SEC24D: variants seen among roughly 807,000 people sequenced by gnomAD.
SEC24D encodes the protein protein transport protein Sec24D.
Under a neutral mutation model 116.9 loss-of-function variants are expected in SEC24D, and 69 were observed. The observed-to-expected ratio is 0.59, with a 90% confidence interval of 0.49 to 0.72. The LOEUF is 0.72. Ranked by LOEUF, SEC24D falls within the 30% of genes least tolerant of loss-of-function variation. The probability of loss-of-function intolerance (pLI) is 0.00; values close to 1 mark genes in which losing one functional copy is unlikely to be tolerated. For synonymous variants in SEC24D, 405 were observed against 442.8 expected, an observed-to-expected ratio of 0.91 and a Z score of 1.07; for missense variants, 1,131 against 1,264.1, an observed-to-expected ratio of 0.89 and a Z score of 1.60.
At chr4:118,823,419 T>C (rs1354878981) in intron 3 of SEC24D, among the ~76,000 whole-genome samples, 2 of 152,186 alleles carry the variant, frequency 1.3e-5, no homozygotes, top group Non-Finnish European at 2.9e-5. Context: ...ATAGGCTTCA[T>C]GAAAGGCCAT....
intron 19 of SEC24D, 109 bp from the exon 20 acceptor site, chr4:118,733,021 T>C: frequency 1.0e-6 from 1 of 984,318 alleles, no homozygotes; most frequent in Non-Finnish European, 1.5e-6. Context: ...TGTAAGGATG[T>C]AAGGATTAAC....
rs532945831 is a variant in SEC24D, at chr4:118,794,948, CT to C, written c.1041+2734del. 8.0e-5 allele frequency among the ~76,000 whole-genome samples: 12 copies of C among 149,406 alleles called. No individual in the cohort carries two copies. The East Asian group carries it at 1.4e-3, about 17-fold the overall frequency. On this transcript the variant is annotated intron_variant, in intron 8 of 22. Coordinates refer to ENST00000280551, the MANE Select transcript of SEC24D (RefSeq NM_014822.4). ...CCATTCTATCATTTACATTTACATA[CT>C]TTTTTTTTGAAGGATAGATAGTTAT...
intron 3 of SEC24D, among the ~76,000 whole-genome samples, chr4:118,818,249 C>T (rs1227348030): frequency 1.3e-5 from 2 of 152,050 alleles, no homozygotes; most frequent in Non-Finnish European, 2.9e-5. Flanking sequence ...ATTAAGTTTT[C>T]CCAAATGGTA....
chr4:118,761,509 C>T (rs1727376764), intron 10 of SEC24D, among the ~76,000 whole-genome samples: 1 of 152,220 alleles, frequency 6.6e-6, no homozygotes, highest in Non-Finnish European at 1.5e-5. Flanking sequence ...TCCCATTATT[C>T]CCAATACACA....
chr4:118,723,573 G>A lies in SEC24D; in HGVS notation c.3041C>T (p.Ser1014Phe), dbSNP rs763992910. 6 of 1,613,704 alleles carry A rather than the reference G, an allele frequency of 3.7e-6. No individual in the cohort carries two copies. The highest frequency in any genetic ancestry group is 4.2e-6 in the Non-Finnish European group (5 of 1,179,864). The change falls in exon 23 of 23, where the codon TCT (serine) becomes TTT (phenylalanine). Residue 1014 changes from serine (S) to phenylalanine (F), a missense_variant. Transcript: ENST00000280551. ...ACAACAAAGGAAATCCACATAAGAA[G>A]AGCCTCCGTAAAGTCCTTTGTCTTC... ...LVEDKGLYGG[S>F]SYVDFLCCVH... is the part of the protein sequence containing the mutation.
Position 118,723,504 on chromosome 4 carries a change from A to G in SEC24D, c.*11T>C. On this transcript the variant is annotated 3_prime_UTR_variant, in exon 23 of 23. Transcript: ENST00000280551. ...CTTGGAAATGCAACATCAATGACAGAGAAGTTTCAATTAATTAAGCAGCTG... is the reference window on the plus strand; with the variant it reads ...CTTGGAAATGCAACATCAATGACAGGGAAGTTTCAATTAATTAAGCAGCTG... 3 of 1,605,960 alleles carry G rather than the reference A, an allele frequency of 1.9e-6. No individual in the cohort carries two copies. The highest frequency in any genetic ancestry group is 2.5e-6 in the Non-Finnish European group (3 of 1,177,322).
In SEC24D at chr4:118,731,364, G is replaced by A; in HGVS notation, c.2820C>T (p.Ile940=). Residue 940 remains isoleucine, a synonymous_variant, in exon 21 of 23, where the codon ATC becomes ATT. Transcript: ENST00000280551. ...AAGATGGCACATTAAATATTCCTTG[G>A]ATCAGTTCTGGTGGGCTGCTTACTC... ...WLGVSSPPEL[I]QGIFNVPSFA... 1 of 1,613,964 alleles carries A rather than the reference G, an allele frequency of 6.2e-7. No individual in the cohort carries two copies. The highest frequency in any genetic ancestry group is 8.5e-7 in the Non-Finnish European group (1 of 1,179,904).
At chr4:118,814,089 C>T (rs935908669) in intron 6 of SEC24D, among the ~76,000 whole-genome samples, 3 of 152,200 alleles carry the variant, frequency 2.0e-5, no homozygotes, top group African/African-American at 7.2e-5. Flanking sequence ...TTATGTTTAT[C>T]GAACCTATTC....
chr4:118,765,864 G>A (rs1312561953), intron 9 of SEC24D, among the ~76,000 whole-genome samples: 1 of 150,810 alleles, frequency 6.6e-6, no homozygotes, highest in African/African-American at 2.4e-5. Context: ...ATTGTTCTAC[G>A]TTGTTACTGT....
In SEC24D at chr4:118,820,056, AATT is replaced by A. The variant is rs1220968499; in HGVS notation, c.249-2647_249-2645del. On this transcript the variant is annotated intron_variant, in intron 3 of 22. Coordinates refer to ENST00000280551, the MANE Select transcript of SEC24D (RefSeq NM_014822.4). The stretch of plus-strand genomic sequence containing the variant: ...TTAAATAGATTTGGTTTTTAAAAGC[AATT>A]ATTATCAATTTTAAAATAAATAGAA... Among the ~76,000 whole-genome samples, 7 of 152,234 alleles carry A rather than the reference AATT, an allele frequency of 4.6e-5. No individual in the cohort carries two copies. The East Asian group carries it at 1.3e-3, about 29-fold the overall frequency.
At chr4:118,822,372 G>A (rs1263377427) in intron 3 of SEC24D, among the ~76,000 whole-genome samples, 1 of 152,066 alleles carries the variant, frequency 6.6e-6, no homozygotes, top group African/African-American at 2.4e-5. Flanking sequence ...CAAAGTTAGG[G>A]CCTGCTTGAT....
At chr4:118,830,036 A>G (rs1730777329) in intron 2 of SEC24D, among the ~76,000 whole-genome samples, 1 of 152,246 alleles carries the variant, frequency 6.6e-6, no homozygotes, top group Admixed American at 6.5e-5. Flanking sequence ...GGAAGACTGA[A>G]GATTAAGGTA....
rs10011981 is a variant in SEC24D, at chr4:118,756,500, G to A, written c.1421+1221C>T. Among the ~76,000 whole-genome samples the A allele has an allele frequency of 9.5e-3, 1,441 of 152,204 alleles. 24 individuals are homozygous for A. Among genetic ancestry groups the A allele is most frequent in the African/African-American group, 0.032 (1,337 of 41,532 alleles). ...CTCCTGGGAGGTCCAGAGTTCATTTGTCTGAGCCTCACATCTCCCAAAGCA... is the reference window on the plus strand; with the variant it reads ...CTCCTGGGAGGTCCAGAGTTCATTTATCTGAGCCTCACATCTCCCAAAGCA... On this transcript the variant is annotated intron_variant, in intron 11 of 22. Transcript: ENST00000280551.
intron 8 of SEC24D, among the ~76,000 whole-genome samples, chr4:118,791,714 C>G (rs1452796394): frequency 6.6e-6 from 1 of 152,124 alleles, no homozygotes. Flanking sequence ...TTGGTGGATA[C>G]GGGGTTTCGC....
chr4:118,833,075 C>T (rs936216743), intron 2 of SEC24D, among the ~76,000 whole-genome samples: 3 of 152,176 alleles, frequency 2.0e-5, no homozygotes, highest in Non-Finnish European at 4.4e-5. Flanking sequence ...GCACTATATA[C>T]ATTCTACCTA....
chr4:118,816,873 C>T (rs1730174972), intron 4 of SEC24D: 1 of 452,652 alleles, frequency 2.2e-6, no homozygotes, highest in Non-Finnish European at 4.4e-6. Context: ...TTAAAATGCA[C>T]TGTGAAACAA....
At chr4:118,724,564 A>G (rs1361180737) in intron 22 of SEC24D, among the ~76,000 whole-genome samples, 1 of 152,228 alleles carries the variant, frequency 6.6e-6, no homozygotes, top group Non-Finnish European at 1.5e-5. Context: ...TTAATTATTT[A>G]AATGAATTTT....
chr4:118,811,684 T>A (rs1267642952), intron 6 of SEC24D, among the ~76,000 whole-genome samples: 2 of 152,176 alleles, frequency 1.3e-5, no homozygotes, highest in Non-Finnish European at 2.9e-5. Flanking sequence ...ACTTTCCCAT[T>A]CAGTCCCCAT....
chr4:118,725,126 T>C (rs1229955667), intron 22 of SEC24D, among the ~76,000 whole-genome samples: 1 of 152,226 alleles, frequency 6.6e-6, no homozygotes, highest in African/African-American at 2.4e-5. Flanking sequence ...TGCCCCGACC[T>C]AGTAAAAATA....
Sources: allele counts gnomAD v4.1 joint callset (sites outside exome capture counted in the v4.1 genomes callset), GRCh38; gene constraint gnomAD v4.1.1; transcripts MANE v1.5; gene names NCBI Gene and HGNC (gene_info 2026-07-23, HGNC 2026-07-21).